Variants in CLEC16A observed in about 807,000 individuals in gnomAD.
CLEC16A encodes C-type lectin domain containing 16A.
A neutral mutation model predicts 109.5 loss-of-function variants in CLEC16A; 51 were observed. That is an observed-to-expected ratio of 0.47 (90% CI 0.37 to 0.59). The LOEUF is 0.59. Among genes scored for constraint, CLEC16A ranks in the 20% least tolerant of loss-of-function variants. The pLI is 0.00. For synonymous variants in CLEC16A, 673 were observed against 564.2 expected (o/e 1.19, Z -2.73); for missense variants, 1,339 against 1,394.0 (o/e 0.96, Z 0.63).
chr16:11,112,684 C>T (rs529672200), intron 19 of CLEC16A, among the ~76,000 whole-genome samples: 11 of 152,128 alleles, frequency 7.2e-5, no homozygotes, highest in African/African-American at 2.4e-4. Flanking sequence ...CATACATACA[C>T]ACACACATAC....
At position 11,043,517 on chromosome 16, in the gene CLEC16A, C is replaced by A. The variant is rs187673076; in HGVS notation, c.1771-511C>A. On this transcript the variant is annotated intron_variant, in intron 15 of 23. Coordinates refer to ENST00000409790, the MANE Select transcript of CLEC16A (RefSeq NM_015226.3). ...ATGCCATTACAATCGAATTACCTAT[C>A]CTTTCCCCATTTTCATTTTGAGCTC... Among the ~76,000 whole-genome samples the A allele has an allele frequency of 8.3e-4, 127 of 152,280 alleles. 1 individual carries two copies. Among genetic ancestry groups the A allele is most frequent in the African/African-American group, 2.9e-3 (122 of 41,554 alleles).
At chr16:11,156,211 A>G (rs532820693) in intron 22 of CLEC16A, among the ~76,000 whole-genome samples, 1 of 152,022 alleles carries the variant, frequency 6.6e-6, no homozygotes, top group South Asian at 2.1e-4. Context: ...AAATACAAAA[A>G]CAAAAAAAAT....
intron 22 of CLEC16A, among the ~76,000 whole-genome samples, chr16:11,163,487 T>G (rs903248847): frequency 6.6e-6 from 1 of 151,232 alleles, no homozygotes; most frequent in Non-Finnish European, 1.5e-5. Flanking sequence ...TTGGTGATTT[T>G]TTTGTTTGTT....
intron 14 of CLEC16A, chr16:11,041,129 C>G (rs1050519115): frequency 6.6e-6 from 1 of 152,234 alleles, no homozygotes; most frequent in African/African-American, 2.4e-5. Flanking sequence ...TTTTGGCTTT[C>G]TGAGCACCTG....
At chr16:11,022,507 T>C (rs992801680) in intron 12 of CLEC16A, among the ~76,000 whole-genome samples, 1 of 151,980 alleles carries the variant, frequency 6.6e-6, no homozygotes, top group African/African-American at 2.4e-5. Flanking sequence ...AATTGGATCT[T>C]GGCGTTGGTC....
chr16:10,965,649 T>A (rs771307031), intron 3 of CLEC16A, among the ~76,000 whole-genome samples: 7 of 152,204 alleles, frequency 4.6e-5, no homozygotes, highest in Non-Finnish European at 1.0e-4. Context: ...TGTTGCCTGT[T>A]GGGGTTAGTG....
chr16:11,089,785 G>C (rs1187972774), intron 19 of CLEC16A, among the ~76,000 whole-genome samples: 2 of 152,232 alleles, frequency 1.3e-5, no homozygotes, highest in Admixed American at 1.3e-4. Context: ...AGCCTACTGA[G>C]GGGTGCTGGG....
At chr16:10,968,457 C>A (rs978504858) in intron 3 of CLEC16A, among the ~76,000 whole-genome samples, 2 of 152,188 alleles carry the variant, frequency 1.3e-5, no homozygotes, top group Admixed American at 1.3e-4. Flanking sequence ...GACCCCAGTG[C>A]CCTTGGGCCC....
intron 13 of CLEC16A, among the ~76,000 whole-genome samples, chr16:11,034,209 G>C (rs1328419094): frequency 7.9e-5 from 12 of 152,338 alleles, no homozygotes; most frequent in Admixed American, 7.2e-4. Context: ...ACCAGAATTA[G>C]AAGTACATTG....
intron 11 of CLEC16A, among the ~76,000 whole-genome samples, chr16:11,003,784 G>T (rs1411815626): frequency 6.6e-6 from 1 of 152,004 alleles, no homozygotes; most frequent in Non-Finnish European, 1.5e-5. Flanking sequence ...ATAACCTGGG[G>T]TTATGATTTG....
At chr16:10,987,449 C>T (rs2043742180) in intron 10 of CLEC16A, among the ~76,000 whole-genome samples, 1 of 152,198 alleles carries the variant, frequency 6.6e-6, no homozygotes, top group South Asian at 2.1e-4. Context: ...GATATGGCCT[C>T]TTCTTAGGAT....
At chr16:11,042,600 C>T (rs906987437) in intron 15 of CLEC16A, among the ~76,000 whole-genome samples, 5 of 152,206 alleles carry the variant, frequency 3.3e-5, no homozygotes, top group Non-Finnish European at 7.3e-5. Context: ...GTTTCTGTTG[C>T]AATTATTTGA....
chr16:11,067,643 G>T (rs1203122588), intron 19 of CLEC16A, among the ~76,000 whole-genome samples: 2 of 152,200 alleles, frequency 1.3e-5, no homozygotes, highest in African/African-American at 2.4e-5. Context: ...CCTAGCTGAT[G>T]TGATCAGATT....
In CLEC16A at chr16:11,040,514, C is replaced by CTTTTTTTTT. The variant is rs781297913; in HGVS notation, c.1660+646_1660+654dup. On this transcript the variant is annotated intron_variant, in intron 14 of 23. Transcript: ENST00000409790. ...TTTTTGTGATAGCGCTTTTTCTTTT[C>CTTTTTTTTT]TTTTTTTTTTTTTTTTGAGATGGAG... 9.7e-3 allele frequency: 988 copies of CTTTTTTTTT among 101,430 alleles called. 67 individuals carry two copies. The highest frequency in any genetic ancestry group is 0.018 in the African/African-American group (411 of 22,876). The allele number at this position is 101,430 out of a possible 1,614,324, so 6.3% of individuals were successfully genotyped here.
At chr16:11,169,805 T>G (rs994129540) in intron 23 of CLEC16A, among the ~76,000 whole-genome samples, 1 of 152,236 alleles carries the variant, frequency 6.6e-6, no homozygotes, top group African/African-American at 2.4e-5. Context: ...AGGCTCCTGC[T>G]GTAGCCACGG....
chr16:11,008,197 C>T (rs1317479313), intron 11 of CLEC16A, among the ~76,000 whole-genome samples: 1 of 152,174 alleles, frequency 6.6e-6, no homozygotes, highest in African/African-American at 2.4e-5. Flanking sequence ...CTTAGCCTTC[C>T]TTTGAAGGTC....
Position 11,043,206 on chromosome 16 carries a change from G to C in CLEC16A, c.1771-822G>C, listed in dbSNP as rs148604431. Among the ~76,000 whole-genome samples the C allele has an allele frequency of 1.5e-3, 231 of 152,174 alleles. 1 individual carries two copies. The highest frequency in any genetic ancestry group is 0.013 in the Admixed American group (204 of 15,282). ...AGCTGAGGTGAGAGGATCACTTGAG[G>C]CCAAGAAGTTGAGACTAGTCTGGAC... On this transcript the variant is annotated intron_variant, in intron 15 of 23. Coordinates refer to ENST00000409790, the MANE Select transcript of CLEC16A (RefSeq NM_015226.3).
At chr16:11,035,772 C>T (rs2046982194) in intron 13 of CLEC16A, among the ~76,000 whole-genome samples, 1 of 152,220 alleles carries the variant, frequency 6.6e-6, no homozygotes, top group African/African-American at 2.4e-5. Flanking sequence ...CTTCCAAAGA[C>T]ACTCTGTCCT....
chr16:11,163,063 C>G (rs116772875), intron 22 of CLEC16A, among the ~76,000 whole-genome samples: 1,951 of 152,338 alleles, frequency 0.013, 48 homozygotes, highest in African/African-American at 0.045. Flanking sequence ...GTGTTTGCAC[C>G]TACTTCGCAG....
Sources: allele counts gnomAD v4.1 joint callset (sites outside exome capture counted in the v4.1 genomes callset), GRCh38; gene constraint gnomAD v4.1.1; transcripts MANE v1.5; gene names NCBI Gene and HGNC (gene_info 2026-07-23, HGNC 2026-07-21).